GALNT13: variants seen among roughly 807,000 people sequenced by gnomAD.
GALNT13 encodes the protein UDP-GalNAc:polypeptide N-acetylgalactosaminyltransferase 13.
GALNT13 carries 28 observed loss-of-function variants against 64.2 expected under a neutral mutation model. The observed-to-expected ratio is 0.44, with a 90% CI of 0.32 to 0.60. The LOEUF (loss-of-function observed/expected upper bound fraction) is 0.60, where lower values mean the gene tolerates loss of function less well. Among genes scored for constraint, GALNT13 ranks in the 20% least tolerant of loss-of-function variants. GALNT13 has a pLI of 0.05. For missense variants in GALNT13, 577 were observed against 669.8 expected (o/e 0.86, Z 1.53); for synonymous variants, 214 against 224.6 (o/e 0.95, Z 0.42).
At chr2:153,894,119 T>C (rs990969045) in intron 1 of GALNT13, among the ~76,000 whole-genome samples, 15 of 152,070 alleles carry the variant, frequency 9.9e-5, no homozygotes, top group Non-Finnish European at 1.6e-4. Context: ...TTGAACACTC[T>C]TCACGTTGGC....
At chr2:153,172,810 C>T in the GALNT13 span, among the ~76,000 whole-genome samples, 1 of 152,088 alleles carries the variant, frequency 6.6e-6, no homozygotes, top group Non-Finnish European at 1.5e-5. Flanking sequence ...GTAAGGTAAT[C>T]TGAAAAACTG....
chr2:154,062,553 A>G (rs1392121464), intron 3 of GALNT13, among the ~76,000 whole-genome samples: 1 of 152,056 alleles, frequency 6.6e-6, no homozygotes, highest in Non-Finnish European at 1.5e-5. Context: ...GGAAGTAAAT[A>G]CCTCTCACCA....
At chr2:153,681,988 G>A in the GALNT13 span, among the ~76,000 whole-genome samples, 41 of 151,832 alleles carry the variant, frequency 2.7e-4, no homozygotes, top group South Asian at 1.0e-3. Context: ...CATAGATGGT[G>A]TGAATCTTTC....
At chr2:154,311,732 A>G (rs941813749) in intron 9 of GALNT13, among the ~76,000 whole-genome samples, 9 of 152,146 alleles carry the variant, frequency 5.9e-5, no homozygotes, top group East Asian at 1.9e-4. Context: ...CACCTCTGCA[A>G]TCTCGACCAT....
intron 4 of GALNT13, among the ~76,000 whole-genome samples, chr2:154,200,628 C>T (rs1226064789): frequency 6.6e-6 from 1 of 152,132 alleles, no homozygotes; most frequent in Non-Finnish European, 1.5e-5. Context: ...AATGCTATGT[C>T]CTCACATGGC....
chr2:154,418,489 G>A (rs774016104), intron 11 of GALNT13, among the ~76,000 whole-genome samples: 54 of 152,262 alleles, frequency 3.5e-4, no homozygotes, highest in Non-Finnish European at 7.1e-4. Flanking sequence ...GACCATAGTG[G>A]CAGAGCTTGG....
At chr2:153,612,792 T>A in the GALNT13 span, among the ~76,000 whole-genome samples, 1 of 152,172 alleles carries the variant, frequency 6.6e-6, no homozygotes, top group African/African-American at 2.4e-5. Context: ...AAAAGGCAGG[T>A]TATAGAAACA....
chr2:153,626,836 A>G, the GALNT13 span, among the ~76,000 whole-genome samples: 2 of 152,124 alleles, frequency 1.3e-5, no homozygotes, highest in East Asian at 3.9e-4. Context: ...CCTGGCTGGC[A>G]TTGTATAGCC....
chr2:153,822,742 C>T, the GALNT13 span, among the ~76,000 whole-genome samples: 1 of 152,222 alleles, frequency 6.6e-6, no homozygotes, highest in Non-Finnish European at 1.5e-5. Context: ...TCTCACCACT[C>T]CTGTCCAACA....
chr2:153,877,288 T>C lies in GALNT13; in HGVS notation c.-177+4985T>C, dbSNP rs576879001. ...AACATGAAGAGGAATTAATTGGGACTCTGTTTCATATATTCCACTACATTG... is the reference window on the plus strand; with the variant it reads ...AACATGAAGAGGAATTAATTGGGACCCTGTTTCATATATTCCACTACATTG... On this transcript the variant is annotated intron_variant, in intron 1 of 12. Transcript: ENST00000392825. Among the ~76,000 whole-genome samples the C allele has an allele frequency of 3.2e-4, 49 of 152,254 alleles. No individual in the cohort carries two copies. In the South Asian group the frequency reaches 9.5e-3, roughly 30 times the overall value.
the GALNT13 span, among the ~76,000 whole-genome samples, chr2:153,722,824 C>T: frequency 1.3e-5 from 2 of 151,550 alleles, no homozygotes; most frequent in Admixed American, 6.6e-5. Context: ...AGTTTACCAA[C>T]CAAAAAGAGT....
intron 3 of GALNT13, among the ~76,000 whole-genome samples, chr2:154,019,613 C>G (rs1399671280): frequency 3.6e-5 from 5 of 140,258 alleles, no homozygotes; most frequent in Non-Finnish European, 6.4e-5. Flanking sequence ...CACACACACA[C>G]ACACACACAC....
At chr2:153,591,037 G>T in the GALNT13 span, among the ~76,000 whole-genome samples, 2 of 152,084 alleles carry the variant, frequency 1.3e-5, no homozygotes, top group East Asian at 3.9e-4. Context: ...ATTCTTGTTT[G>T]CTGATGGTAC....
intron 3 of GALNT13, among the ~76,000 whole-genome samples, chr2:154,129,400 A>G (rs994851883): frequency 6.6e-6 from 1 of 152,216 alleles, no homozygotes; most frequent in African/African-American, 2.4e-5. Flanking sequence ...AATAATCAGT[A>G]AGAAAGTCAA....
At chr2:154,200,232 C>A (rs1449658568) in intron 4 of GALNT13, among the ~76,000 whole-genome samples, 2 of 151,904 alleles carry the variant, frequency 1.3e-5, no homozygotes, top group African/African-American at 4.8e-5. Context: ...TGTCATTTAA[C>A]TTATGTAATG....
chr2:154,128,504 C>T (rs897333380), intron 3 of GALNT13, among the ~76,000 whole-genome samples: 9 of 151,890 alleles, frequency 5.9e-5, no homozygotes, highest in Admixed American at 3.9e-4. Flanking sequence ...CAATGAAAAA[C>T]GCAAAACCCA....
the GALNT13 span, among the ~76,000 whole-genome samples, chr2:153,583,393 A>G: frequency 6.6e-6 from 1 of 152,236 alleles, no homozygotes; most frequent in African/African-American, 2.4e-5. Flanking sequence ...AACCAAAGTA[A>G]TGTGTAGACA....
At chr2:153,566,347 C>CTTTTTTT in the GALNT13 span, among the ~76,000 whole-genome samples, 8 of 76,402 alleles carry the variant, frequency 1.0e-4, no homozygotes, top group African/African-American at 2.8e-4. Flanking sequence ...CTTCTAATCA[C>CTTTTTTT]GTTTTTTTTT....
intron 2 of GALNT13, among the ~76,000 whole-genome samples, chr2:153,920,084 T>C (rs1273821092): frequency 1.3e-5 from 2 of 150,570 alleles, no homozygotes; most frequent in Non-Finnish European, 3.0e-5. Context: ...TAATACCTTC[T>C]ATATTCCTGG....
Sources: gnomAD v4.1 joint callset for allele counts (sites outside exome capture counted in the v4.1 genomes callset) on GRCh38, gnomAD v4.1.1 for gene constraint, MANE v1.5 for transcripts, NCBI Gene and HGNC (gene_info 2026-07-23, HGNC 2026-07-21) for gene names.